EPB41L2: variants seen among roughly 807,000 people sequenced by gnomAD.
EPB41L2 encodes the protein erythrocyte membrane protein band 4.1 like 2, also known as band 4.1-like protein 2.
A neutral mutation model predicts 113.0 loss-of-function variants in EPB41L2; 43 were observed. The observed-to-expected ratio is 0.38, with a 90% CI of 0.30 to 0.49. EPB41L2 has a LOEUF of 0.49. Ranked by LOEUF, EPB41L2 falls within the 20% of genes least tolerant of loss-of-function variation. The pLI is 0.95. For missense variants in EPB41L2, 1,147 were observed against 1,223.4 expected (o/e 0.94, Z 0.93); for synonymous variants, 442 against 436.7 (o/e 1.01, Z -0.15).
chr6:130,946,233 A>G (rs1004805996), intron 3 of EPB41L2, among the ~76,000 whole-genome samples: 2 of 152,218 alleles, frequency 1.3e-5, no homozygotes, highest in African/African-American at 4.8e-5. Context: ...CCTCAGGTCA[A>G]AATTAACGCA....
chr6:130,867,328 C>G (rs1037643148), intron 16 of EPB41L2, 131 bp downstream of exon 16: 40 of 1,168,424 alleles, frequency 3.4e-5, no homozygotes, highest in Non-Finnish European at 7.2e-6. Flanking sequence ...TGTTGAAGTA[C>G]ACTTACAAAG....
chr6:130,844,119 A>G (rs914819312), intron 19 of EPB41L2, among the ~76,000 whole-genome samples: 1 of 152,248 alleles, frequency 6.6e-6, no homozygotes, highest in Non-Finnish European at 1.5e-5. Context: ...TCATCTAGAG[A>G]GAAGTCTCAA....
At chr6:130,913,322 G>T (rs1232287322) in intron 4 of EPB41L2, among the ~76,000 whole-genome samples, 2 of 152,144 alleles carry the variant, frequency 1.3e-5, no homozygotes, top group Non-Finnish European at 2.9e-5. Context: ...GACTAAGTGG[G>T]CGGGGTTTAC....
chr6:130,997,565 C>T (rs549444736), intron 1 of EPB41L2, among the ~76,000 whole-genome samples: 5 of 152,230 alleles, frequency 3.3e-5, no homozygotes, highest in East Asian at 3.9e-4. Context: ...ATTTTCTCTA[C>T]GACTTCATTA....
intron 19 of EPB41L2, among the ~76,000 whole-genome samples, chr6:130,846,856 T>G (rs10499174): frequency 0.074 from 11,339 of 152,262 alleles, 637 homozygotes; most frequent in African/African-American, 0.15. Context: ...GGATTTAACT[T>G]TTATAGATGT....
rs1797168354 is a variant in EPB41L2 at position 130,904,505 on chromosome 6, A to T, written c.889T>A (p.Tyr297Asn). 6.2e-7 allele frequency: 1 copy of T among 1,607,440 alleles called. No individual in the cohort carries two copies. Reference protein sequence around the residue: ...PWLFTFNVKFYPPDPSQLTED... With the variant: ...PWLFTFNVKFNPPDPSQLTED... ...GTCAATTGAGAAGGATCAGGAGGAT[A>T]AAACTTCACATTAAAAGTGAATAGC... The change falls in exon 6 of 20, where the codon TAT (tyrosine) becomes AAT (asparagine). Residue 297 changes from tyrosine to asparagine, a missense_variant. Coordinates refer to ENST00000337057, the MANE Select transcript of EPB41L2 (RefSeq NM_001431.4).
intron 14 of EPB41L2, chr6:130,872,484 T>C: frequency 7.8e-7 from 1 of 1,289,396 alleles, no homozygotes. Context: ...GCTTTCATGC[T>C]ATCAGAAAAG....
intron 1 of EPB41L2, among the ~76,000 whole-genome samples, chr6:131,008,419 T>C (rs981532560): frequency 6.6e-6 from 1 of 152,262 alleles, no homozygotes; most frequent in African/African-American, 2.4e-5. Flanking sequence ...GGCAGAAGTT[T>C]GCTGCAGAAG....
intron 19 of EPB41L2, among the ~76,000 whole-genome samples, chr6:130,845,238 A>T (rs914302747): frequency 4.6e-5 from 7 of 152,330 alleles, no homozygotes; most frequent in Non-Finnish European, 7.4e-5. Flanking sequence ...AACTGTTTTC[A>T]TTATCATACT....
chr6:130,867,027 G>A (rs1209573732), intron 16 of EPB41L2, among the ~76,000 whole-genome samples: 1 of 152,102 alleles, frequency 6.6e-6, no homozygotes, highest in Non-Finnish European at 1.5e-5. Context: ...TGAGTTGATT[G>A]GGTCAATCTT....
At chr6:130,986,597 T>A (rs1780612311) in intron 1 of EPB41L2, among the ~76,000 whole-genome samples, 2 of 151,892 alleles carry the variant, frequency 1.3e-5, no homozygotes, top group African/African-American at 4.8e-5. Context: ...CTTTTTTTTT[T>A]TTTGAGATGG....
chr6:130,883,451 C>T (rs2128469444), intron 12 of EPB41L2, among the ~76,000 whole-genome samples: 1 of 152,284 alleles, frequency 6.6e-6, no homozygotes, highest in South Asian at 2.1e-4. Context: ...GAAACTCAAA[C>T]AGCATTATTT....
intron 14 of EPB41L2, among the ~76,000 whole-genome samples, chr6:130,877,022 G>C (rs1787793714): frequency 6.6e-6 from 1 of 152,132 alleles, no homozygotes; most frequent in Non-Finnish European, 1.5e-5. Flanking sequence ...AAGAACTGAA[G>C]TTGTATTCAA....
At chr6:130,912,785 A>G (rs776382011) in intron 4 of EPB41L2, among the ~76,000 whole-genome samples, 46 of 152,096 alleles carry the variant, frequency 3.0e-4, no homozygotes, top group Non-Finnish European at 5.7e-4. Flanking sequence ...TCTAGCCCAC[A>G]CTGGTTGGAG....
intron 1 of EPB41L2, among the ~76,000 whole-genome samples, chr6:131,009,700 T>C (rs1786460595): frequency 6.6e-6 from 1 of 152,036 alleles, no homozygotes; most frequent in Non-Finnish European, 1.5e-5. Context: ...ACTAGTCATT[T>C]AGAAAAAAAA....
intron 1 of EPB41L2, among the ~76,000 whole-genome samples, chr6:131,025,329 T>C (rs1164192321): frequency 6.6e-6 from 1 of 152,212 alleles, no homozygotes; most frequent in Non-Finnish European, 1.5e-5. Flanking sequence ...TTATTAATCA[T>C]GAAACCAACA....
chr6:130,934,894 T>C (rs769554314), intron 3 of EPB41L2, among the ~76,000 whole-genome samples: 6 of 151,396 alleles, frequency 4.0e-5, no homozygotes, highest in Middle Eastern at 3.4e-3. Flanking sequence ...ACAGTTAAGA[T>C]AGATAAGAGA....
At chr6:130,938,346 C>T (rs1022474686) in intron 3 of EPB41L2, among the ~76,000 whole-genome samples, 3 of 152,132 alleles carry the variant, frequency 2.0e-5, no homozygotes, top group African/African-American at 7.2e-5. Flanking sequence ...GTTTTTCATT[C>T]CTGGTGGATG....
intron 1 of EPB41L2, among the ~76,000 whole-genome samples, chr6:131,027,285 T>C (rs1248240500): frequency 6.6e-6 from 1 of 152,224 alleles, no homozygotes; most frequent in African/African-American, 2.4e-5. Flanking sequence ...TAACTGATTC[T>C]ATTAAATCTG....
Sources: allele counts gnomAD v4.1 joint callset (sites outside exome capture counted in the v4.1 genomes callset), GRCh38; gene constraint gnomAD v4.1.1; transcripts MANE v1.5; gene names NCBI Gene and HGNC (gene_info 2026-07-23, HGNC 2026-07-21).